Variants in UVRAG observed in about 807,000 individuals in gnomAD.
UVRAG encodes the protein UV radiation resistance-associated gene protein.
Under a neutral mutation model 78.0 loss-of-function variants are expected in UVRAG, and 19 were observed. The ratio of observed to expected loss-of-function variants is 0.24; its 90% CI spans 0.17 to 0.36. The LOEUF (loss-of-function observed/expected upper bound fraction) is 0.36. Among genes scored for constraint, UVRAG ranks in the 10% least tolerant of loss-of-function variants. The pLI is 1.00. For synonymous variants in UVRAG, 323 were observed against 324.6 expected, an observed-to-expected ratio of 1.00 and a Z score of 0.05; for missense variants, 740 against 853.8, an observed-to-expected ratio of 0.87 and a Z score of 1.66.
chr11:75,959,988 C>T (rs892124425), intron 6 of UVRAG, among the ~76,000 whole-genome samples: 4 of 152,114 alleles, frequency 2.6e-5, no homozygotes, highest in Admixed American at 6.5e-5. Flanking sequence ...CTATCTTATA[C>T]GGGTACAGCT....
chr11:76,004,841 T>C (rs919226886), intron 9 of UVRAG, among the ~76,000 whole-genome samples: 8 of 152,178 alleles, frequency 5.3e-5, no homozygotes, highest in Non-Finnish European at 1.0e-4. Context: ...AAATAGCCTG[T>C]AATAAATTGG....
At chr11:75,891,706 T>C (rs1947215800) in intron 5 of UVRAG, among the ~76,000 whole-genome samples, 1 of 152,148 alleles carries the variant, frequency 6.6e-6, no homozygotes, top group Non-Finnish European at 1.5e-5. Context: ...GCTCAGCAGT[T>C]CGAGACCAGT....
intron 6 of UVRAG, among the ~76,000 whole-genome samples, chr11:75,939,070 A>C (rs539663349): frequency 1.3e-5 from 2 of 149,222 alleles, no homozygotes; most frequent in Non-Finnish European, 3.0e-5. Context: ...CTTGAAATCT[A>C]TCCTCTCATG....
intron 4 of UVRAG, among the ~76,000 whole-genome samples, chr11:75,885,004 A>AGATAT (rs147554066): frequency 0.068 from 10,345 of 152,058 alleles, 502 homozygotes; most frequent in African/African-American, 0.14. Context: ...TTCAGTCTAT[A>AGATAT]GATATGTCTC....
chr11:75,854,606 G>A (rs1590936842), intron 2 of UVRAG, among the ~76,000 whole-genome samples: 1 of 151,612 alleles, frequency 6.6e-6, no homozygotes, highest in African/African-American at 2.4e-5. Flanking sequence ...TTGTAGAGAT[G>A]GGGTTTCACC....
chr11:76,102,177 G>A (rs1951890501), intron 13 of UVRAG, among the ~76,000 whole-genome samples: 1 of 152,160 alleles, frequency 6.6e-6, no homozygotes, highest in South Asian at 2.1e-4. Flanking sequence ...TAGGCAATGT[G>A]GCCTTTTTAA....
At chr11:75,940,214 T>C (rs1303652682) in intron 6 of UVRAG, among the ~76,000 whole-genome samples, 2 of 152,178 alleles carry the variant, frequency 1.3e-5, no homozygotes, top group East Asian at 3.9e-4. Flanking sequence ...TTTGAGACAT[T>C]GGACAAGTCA....
chr11:76,078,752 C>CAAAAAAAAA (rs61700855), intron 13 of UVRAG, among the ~76,000 whole-genome samples: 22 of 37,190 alleles, frequency 5.9e-4, no homozygotes, highest in African/African-American at 7.4e-4. Flanking sequence ...ACTAAAAATA[C>CAAAAAAAAA]AAAAAAAAAA....
chr11:76,057,244 AAG>A (rs762144110), intron 12 of UVRAG, among the ~76,000 whole-genome samples: 33 of 152,202 alleles, frequency 2.2e-4, no homozygotes, highest in Non-Finnish European at 3.4e-4. Context: ...GGCTATGGGA[AAG>A]AGGGGGAAAA....
At chr11:75,820,855 G>A (rs1235240873) in intron 1 of UVRAG, among the ~76,000 whole-genome samples, 1 of 106,726 alleles carries the variant, frequency 9.4e-6, no homozygotes, top group Non-Finnish European at 1.8e-5. Flanking sequence ...TGAGGCAGGA[G>A]GATTGATGTC....
intron 6 of UVRAG, among the ~76,000 whole-genome samples, chr11:75,945,490 A>C (rs925157059): frequency 4.2e-4 from 64 of 152,082 alleles, no homozygotes; most frequent in African/African-American, 1.5e-3. Flanking sequence ...CCAAATATTG[A>C]CTATTCCTGG....
intron 4 of UVRAG, among the ~76,000 whole-genome samples, chr11:75,881,258 G>C (rs1226164839): frequency 6.6e-6 from 1 of 152,176 alleles, no homozygotes; most frequent in African/African-American, 2.4e-5. Context: ...ACGTGCCCAA[G>C]GTGGTTGGGG....
Position 76,060,960 on chromosome 11 carries a change from C to T in UVRAG, c.1227-4750C>T, listed in dbSNP as rs137917803. Among the ~76,000 whole-genome samples the T allele has an allele frequency of 4.4e-3, 673 of 152,344 alleles. 5 individuals are homozygous for T. The highest frequency in any genetic ancestry group is 0.016 in the African/African-American group (647 of 41,586). On this transcript the variant is annotated intron_variant, in intron 12 of 14. Transcript: ENST00000356136. Reference sequence around the variant, plus strand: ...GGCTGAGGAGTGCGGGCGCATGGCGCGGGACTGGCAGGCAGCTCCACCTGC... The same window carrying T: ...GGCTGAGGAGTGCGGGCGCATGGCGTGGGACTGGCAGGCAGCTCCACCTGC...
At chr11:75,842,015 C>T (rs921118667) in intron 1 of UVRAG, among the ~76,000 whole-genome samples, 13 of 152,192 alleles carry the variant, frequency 8.5e-5, no homozygotes. Context: ...ACATGTCTGG[C>T]TGCCTGCTGG....
intron 3 of UVRAG, chr11:75,878,453 C>G (rs558604903): frequency 2.9e-5 from 5 of 169,880 alleles, no homozygotes; most frequent in Non-Finnish European, 6.3e-5. Flanking sequence ...ACTTCCTAGA[C>G]GGGGTGGCGG....
chr11:75,850,720 G>A (rs148670276), intron 1 of UVRAG, among the ~76,000 whole-genome samples: 1 of 152,244 alleles, frequency 6.6e-6, no homozygotes, highest in African/African-American at 2.4e-5. Context: ...GAAAATTGTT[G>A]CTGTAATCCA....
chr11:75,979,680 C>G (rs1032407349), intron 7 of UVRAG: 1 of 152,658 alleles, frequency 6.6e-6, no homozygotes, highest in South Asian at 2.1e-4. Flanking sequence ...CTGAGCCAGG[C>G]GCGGGATATA....
chr11:75,951,672 G>A (rs560799746), intron 6 of UVRAG, among the ~76,000 whole-genome samples: 38 of 152,190 alleles, frequency 2.5e-4, no homozygotes, highest in African/African-American at 8.4e-4. Context: ...GTGAACCACC[G>A]CACCCAGCCC....
At chr11:75,877,844 C>T (rs1380948231) in intron 3 of UVRAG, among the ~76,000 whole-genome samples, 7 of 137,350 alleles carry the variant, frequency 5.1e-5, no homozygotes, top group African/African-American at 5.5e-5. Context: ...CCGGACGGGG[C>T]GGCTGGCCGG....
Sources: allele counts gnomAD v4.1 joint callset (sites outside exome capture counted in the v4.1 genomes callset), GRCh38; gene constraint gnomAD v4.1.1; transcripts MANE v1.5; gene names NCBI Gene and HGNC (gene_info 2026-07-23, HGNC 2026-07-21).